The following MRPS28 variants were observed in gnomAD, a reference collection of about 807,000 sequenced individuals.
MRPS28 encodes mitochondrial ribosomal protein S28, also known as small ribosomal subunit protein bS1m.
In MRPS28, 7 loss-of-function variants were observed where a neutral mutation model predicts 10.8. The ratio of observed to expected loss-of-function variants is 0.65; its 90% confidence interval spans 0.37 to 1.22. The LOEUF (loss-of-function observed/expected upper bound fraction) is 1.22, where lower values mean the gene tolerates loss of function less well. MRPS28 is among the 50% of genes most tolerant of loss of function. MRPS28 has a pLI of 0.02. For missense variants in MRPS28, 265 were observed against 232.9 expected (o/e 1.14, Z -0.90); for synonymous variants, 121 against 93.3 (o/e 1.30, Z -1.71).
intron 1 of MRPS28, among the ~76,000 whole-genome samples, chr8:80,016,112 A>G (rs1809187613): frequency 6.6e-6 from 1 of 152,210 alleles, no homozygotes; most frequent in African/African-American, 2.4e-5. Flanking sequence ...AATACAGCAG[A>G]AATATTTGAA....
At chr8:80,026,131 T>C (rs1398098763) in intron 1 of MRPS28, among the ~76,000 whole-genome samples, 2 of 152,206 alleles carry the variant, frequency 1.3e-5, no homozygotes, top group African/African-American at 4.8e-5. Flanking sequence ...TCAAAAACCC[T>C]GAATACACAA....
In MRPS28 at chr8:79,979,915, C is replaced by CAAAAAAAAAAA. The variant is rs61633169; in HGVS notation, c.395+23073_395+23083dup. Among the ~76,000 whole-genome samples, 2 of 31,358 alleles carry CAAAAAAAAAAA rather than the reference C, an allele frequency of 6.4e-5. 1 individual carries two copies. The highest frequency in any genetic ancestry group is 1.2e-4 in the Non-Finnish European group (2 of 16,140). The allele number at this position is 31,358 out of a possible 152,430, so 20.6% of individuals were successfully genotyped here. Reference sequence around the variant, plus strand: ...GCCACTAACATTCAGGATTCTCACGCAAAAAAAAAAAAAAAAAAAAAAAAA... The same window carrying CAAAAAAAAAAA: ...GCCACTAACATTCAGGATTCTCACGCAAAAAAAAAAAAAAAAAAAAAAAAAAAAAAAAAAAA... On this transcript the variant is annotated intron_variant, in intron 2 of 2. Coordinates refer to ENST00000276585, the MANE Select transcript of MRPS28 (RefSeq NM_014018.3).
intron 2 of MRPS28, among the ~76,000 whole-genome samples, chr8:79,947,705 G>A (rs1433330880): frequency 7.0e-6 from 1 of 142,088 alleles, no homozygotes; most frequent in Non-Finnish European, 1.5e-5. Context: ...CGCGATCTCA[G>A]GTTACTGCAA....
chr8:79,970,583 A>G (rs1470783701), intron 2 of MRPS28, among the ~76,000 whole-genome samples: 1 of 152,186 alleles, frequency 6.6e-6, no homozygotes, highest in African/African-American at 2.4e-5. Flanking sequence ...ACTTCTTCCA[A>G]AAAAACTGTT....
chr8:79,927,294 G>A (rs1326225730), intron 2 of MRPS28, among the ~76,000 whole-genome samples: 2 of 152,148 alleles, frequency 1.3e-5, no homozygotes, highest in Non-Finnish European at 2.9e-5. Flanking sequence ...CACAATGCTC[G>A]AGAACATAAC....
rs567931012 is a variant in MRPS28 at position 79,985,603 on chromosome 8, G to A, written c.395+17396C>T. Reference sequence around the variant, plus strand: ...AAATGATAAAGGGGATATCACCACCGATCCCACAGAAATACAAACTAACAT... The same window carrying A: ...AAATGATAAAGGGGATATCACCACCAATCCCACAGAAATACAAACTAACAT... On this transcript the variant is annotated intron_variant, in intron 2 of 2. Coordinates refer to ENST00000276585, the MANE Select transcript of MRPS28 (RefSeq NM_014018.3). Among the ~76,000 whole-genome samples the A allele has an allele frequency of 5.6e-3, 846 of 152,190 alleles. 9 individuals carry two copies. The highest frequency in any genetic ancestry group is 0.02 in the African/African-American group (817 of 41,518).
At chr8:80,000,369 G>C (rs1201181505) in intron 2 of MRPS28, among the ~76,000 whole-genome samples, 2 of 152,150 alleles carry the variant, frequency 1.3e-5, no homozygotes, top group Admixed American at 1.3e-4. Context: ...ACAGAACAAA[G>C]AGATGTAGGC....
intron 2 of MRPS28, among the ~76,000 whole-genome samples, chr8:79,929,266 C>A (rs948638509): frequency 1.3e-5 from 2 of 152,104 alleles, no homozygotes; most frequent in Non-Finnish European, 2.9e-5. Flanking sequence ...AGTTTTGCTC[C>A]CCCAATAAGC....
At chr8:79,949,187 G>A (rs1317301484) in intron 2 of MRPS28, among the ~76,000 whole-genome samples, 1 of 152,070 alleles carries the variant, frequency 6.6e-6, no homozygotes. Flanking sequence ...AGGCCAAGGC[G>A]GATGGATCAC....
At chr8:80,003,570 T>A (rs1040300662) in intron 1 of MRPS28, among the ~76,000 whole-genome samples, 4 of 152,008 alleles carry the variant, frequency 2.6e-5, no homozygotes, top group Non-Finnish European at 5.9e-5. Context: ...CCAGCGTGAG[T>A]GACCCAGAAG....
At chr8:79,920,385 G>A (rs1409306724) in intron 2 of MRPS28, among the ~76,000 whole-genome samples, 2 of 152,126 alleles carry the variant, frequency 1.3e-5, no homozygotes, top group Non-Finnish European at 2.9e-5. Flanking sequence ...CACAATGGTT[G>A]AACTAGTTTA....
intron 2 of MRPS28, among the ~76,000 whole-genome samples, chr8:79,986,890 A>G (rs1157458603): frequency 6.6e-6 from 1 of 152,158 alleles, no homozygotes; most frequent in Non-Finnish European, 1.5e-5. Flanking sequence ...CCATCAAGCT[A>G]CCGATGACTT....
chr8:79,969,629 G>C (rs1015944534), intron 2 of MRPS28, among the ~76,000 whole-genome samples: 9 of 152,028 alleles, frequency 5.9e-5, no homozygotes, highest in Admixed American at 2.0e-4. Context: ...TGTAACAAAA[G>C]AAAACAGAGG....
chr8:79,930,550 T>C (rs1806435294), intron 2 of MRPS28, among the ~76,000 whole-genome samples: 1 of 152,208 alleles, frequency 6.6e-6, no homozygotes, highest in Non-Finnish European at 1.5e-5. Context: ...CCACCTGCCA[T>C]ATGTGCTCCT....
chr8:79,924,470 T>A (rs555684806), intron 2 of MRPS28, among the ~76,000 whole-genome samples: 2 of 152,188 alleles, frequency 1.3e-5, no homozygotes, highest in South Asian at 4.1e-4. Context: ...GTGTGTGTAT[T>A]TTCTTCTTTA....
chr8:79,965,703 A>T (rs995510909), intron 2 of MRPS28, among the ~76,000 whole-genome samples: 4 of 152,060 alleles, frequency 2.6e-5, no homozygotes, highest in African/African-American at 7.2e-5. Context: ...AATGATTCTG[A>T]GAATGCAAAG....
intron 1 of MRPS28, among the ~76,000 whole-genome samples, chr8:80,007,580 G>T (rs1028715588): frequency 6.2e-4 from 94 of 152,212 alleles, no homozygotes; most frequent in African/African-American, 2.3e-3. Context: ...AAAGTCTCAG[G>T]ATACAAAATC....
chr8:79,986,186 T>C (rs2130101009), intron 2 of MRPS28, among the ~76,000 whole-genome samples: 1 of 152,330 alleles, frequency 6.6e-6, no homozygotes, highest in African/African-American at 2.4e-5. Flanking sequence ...CACTTGATTA[T>C]CTCAATAGAT....
intron 2 of MRPS28, among the ~76,000 whole-genome samples, chr8:79,961,503 T>C (rs1807369902): frequency 6.6e-6 from 1 of 152,136 alleles, no homozygotes; most frequent in Admixed American, 6.6e-5. Flanking sequence ...CATGCTTCAA[T>C]TACTTGCACT....
Sources: allele counts gnomAD v4.1 joint callset (sites outside exome capture counted in the v4.1 genomes callset), GRCh38; gene constraint gnomAD v4.1.1; transcripts MANE v1.5; gene names NCBI Gene and HGNC (gene_info 2026-07-23, HGNC 2026-07-21).